Variants in GPC5 observed in about 807,000 individuals in gnomAD.
GPC5 encodes the protein glypican-5.
A neutral mutation model predicts 53.9 loss-of-function variants in GPC5; 47 were observed. That is an observed-to-expected ratio of 0.87 (90% CI 0.69 to 1.11). The LOEUF (loss-of-function observed/expected upper bound fraction) is 1.11. GPC5 is among the 50% of genes most tolerant of loss of function. GPC5 has a pLI of 0.00. For missense variants in GPC5, 748 were observed against 713.1 expected (o/e 1.05, Z -0.56); for synonymous variants, 286 against 263.3 (o/e 1.09, Z -0.84).
intron 7 of GPC5, among the ~76,000 whole-genome samples, chr13:92,404,635 T>A (rs914504812): frequency 7.6e-6 from 1 of 131,524 alleles, no homozygotes; most frequent in East Asian, 2.0e-4. Flanking sequence ...TGGGAAATGG[T>A]TTACATTCTT....
intron 7 of GPC5, among the ~76,000 whole-genome samples, chr13:92,771,875 T>G (rs1875629191): frequency 6.6e-6 from 1 of 152,148 alleles, no homozygotes; most frequent in African/African-American, 2.4e-5. Flanking sequence ...ACCTGACATC[T>G]CCATTTTGAT....
intron 2 of GPC5, among the ~76,000 whole-genome samples, chr13:91,472,119 A>G (rs574531263): frequency 6.6e-6 from 1 of 152,208 alleles, no homozygotes; most frequent in Non-Finnish European, 1.5e-5. Flanking sequence ...TGTTCAATCA[A>G]TTGTGTTACT....
intron 7 of GPC5, among the ~76,000 whole-genome samples, chr13:92,754,401 A>G (rs906379693): frequency 5.3e-5 from 8 of 152,170 alleles, no homozygotes; most frequent in African/African-American, 1.9e-4. Flanking sequence ...ACCATCAAGA[A>G]TAGGAAGAAA....
chr13:92,538,368 C>T lies in GPC5; in HGVS notation c.1562-327914C>T, dbSNP rs777633575. On this transcript the variant is annotated intron_variant, in intron 7 of 7. Coordinates refer to ENST00000377067, the MANE Select transcript of GPC5 (RefSeq NM_004466.6). Reference sequence around the variant, plus strand: ...TGTCCTACTCTTTTCTTTCTGTCTCCTTTCTTTCCCTCTCTCTTGCTTCAC... The same window carrying T: ...TGTCCTACTCTTTTCTTTCTGTCTCTTTTCTTTCCCTCTCTCTTGCTTCAC... Among the ~76,000 whole-genome samples the T allele has an allele frequency of 2.4e-4, 36 of 151,060 alleles. 1 individual carries two copies. Among genetic ancestry groups the T allele is most frequent in the Admixed American group, 4.7e-4 (7 of 15,032 alleles).
intron 2 of GPC5, among the ~76,000 whole-genome samples, chr13:91,568,386 A>T (rs747984424): frequency 1.3e-5 from 2 of 152,148 alleles, no homozygotes; most frequent in Non-Finnish European, 2.9e-5. Flanking sequence ...TTGAGAACTG[A>T]ACAAACTTAT....
At chr13:92,278,906 T>C (rs561494982) in intron 7 of GPC5, among the ~76,000 whole-genome samples, 2 of 152,218 alleles carry the variant, frequency 1.3e-5, no homozygotes, top group East Asian at 3.9e-4. Flanking sequence ...CTTCTGCTAG[T>C]ACTACATTTG....
At chr13:92,811,121 T>A (rs137983337) in intron 7 of GPC5, among the ~76,000 whole-genome samples, 1 of 152,046 alleles carries the variant, frequency 6.6e-6, no homozygotes, top group African/African-American at 2.4e-5. Flanking sequence ...GTTTATCCAC[T>A]CATCTGTTGA....
intron 7 of GPC5, among the ~76,000 whole-genome samples, chr13:92,147,587 C>G (rs1480072736): frequency 6.6e-6 from 1 of 151,974 alleles, no homozygotes; most frequent in Non-Finnish European, 1.5e-5. Flanking sequence ...GACAAGTTGA[C>G]AAAAATTTTT....
At chr13:92,821,604 G>T (rs1180605871) in intron 7 of GPC5, among the ~76,000 whole-genome samples, 2 of 152,048 alleles carry the variant, frequency 1.3e-5, no homozygotes, top group African/African-American at 4.8e-5. Flanking sequence ...TGCTTTCTCA[G>T]CATTTGCCAC....
At chr13:92,187,233 T>C (rs2042190793) in intron 7 of GPC5, among the ~76,000 whole-genome samples, 1 of 152,230 alleles carries the variant, frequency 6.6e-6, no homozygotes, top group Non-Finnish European at 1.5e-5. Flanking sequence ...ACTTTAAGAA[T>C]GGATTGCAGT....
At chr13:92,356,798 T>C (rs2043526158) in intron 7 of GPC5, among the ~76,000 whole-genome samples, 1 of 152,186 alleles carries the variant, frequency 6.6e-6, no homozygotes, top group African/African-American at 2.4e-5. Context: ...TTGTATAAAT[T>C]ATTTAATTAT....
chr13:92,407,077 A>G (rs1435300170), intron 7 of GPC5, among the ~76,000 whole-genome samples: 1 of 152,208 alleles, frequency 6.6e-6, no homozygotes, highest in Non-Finnish European at 1.5e-5. Flanking sequence ...CAAATACCCA[A>G]TAGCAACTGA....
At chr13:92,192,264 T>C (rs2042227694) in intron 7 of GPC5, among the ~76,000 whole-genome samples, 1 of 152,210 alleles carries the variant, frequency 6.6e-6, no homozygotes, top group Admixed American at 6.5e-5. Flanking sequence ...TCAATGTTGG[T>C]TCATTTATTA....
chr13:91,424,157 G>A (rs1469869694), intron 1 of GPC5, among the ~76,000 whole-genome samples: 3 of 152,246 alleles, frequency 2.0e-5, no homozygotes, highest in Non-Finnish European at 4.4e-5. Flanking sequence ...TTGCACTGTA[G>A]TGGATCAGGA....
intron 2 of GPC5, among the ~76,000 whole-genome samples, chr13:91,494,413 C>T (rs551824607): frequency 6.6e-6 from 1 of 151,516 alleles, no homozygotes; most frequent in Admixed American, 6.6e-5. Flanking sequence ...TTATTTCTTT[C>T]ATCAAAAACA....
chr13:91,655,900 T>C (rs1288931600), intron 2 of GPC5, among the ~76,000 whole-genome samples: 1 of 152,156 alleles, frequency 6.6e-6, no homozygotes, highest in Admixed American at 6.6e-5. Flanking sequence ...TGAAAACAAC[T>C]ATGGAGTCTG....
rs1360827162 is a variant in GPC5, at chr13:92,242,302, A to G, written c.1561+97313A>G. Among the ~76,000 whole-genome samples the G allele has an allele frequency of 2.6e-5, 4 of 151,918 alleles. No individual in the cohort carries two copies. In the East Asian group the frequency reaches 7.7e-4, roughly 29 times the overall value. ...AGCCTTCTTTCCTATTACCAGTGAT[A>G]CTAAATTTAGTTTCCCTTAAGACAG... is the stretch of plus-strand genomic sequence containing the variant. On this transcript the variant is annotated intron_variant, in intron 7 of 7. Transcript: ENST00000377067.
intron 2 of GPC5, among the ~76,000 whole-genome samples, chr13:91,449,544 A>T (rs772510260): frequency 1.5e-4 from 23 of 152,056 alleles, no homozygotes; most frequent in Admixed American, 3.3e-4. Context: ...GGCCCCTGTT[A>T]TTTGAAGAAA....
chr13:92,663,229 A>G (rs1400689993), intron 7 of GPC5, among the ~76,000 whole-genome samples: 1 of 152,088 alleles, frequency 6.6e-6, no homozygotes, highest in Non-Finnish European at 1.5e-5. Flanking sequence ...AGAAATAAAA[A>G]CTAGTTATAA....
Sources: gnomAD v4.1 joint callset for allele counts (sites outside exome capture counted in the v4.1 genomes callset) on GRCh38, gnomAD v4.1.1 for gene constraint, MANE v1.5 for transcripts, NCBI Gene and HGNC (gene_info 2026-07-23, HGNC 2026-07-21) for gene names.